Variants in ADAMTS16 observed in about 807,000 individuals in gnomAD.
ADAMTS16 encodes ADAM metallopeptidase with thrombospondin type 1 motif 16, also known as A disintegrin and metalloproteinase with thrombospondin motifs 16.
Under a neutral mutation model 145.8 loss-of-function variants are expected in ADAMTS16, and 94 were observed. That is an observed-to-expected ratio of 0.64 (90% CI 0.55 to 0.77). The LOEUF is 0.77. Among genes scored for constraint, ADAMTS16 ranks in the 30% least tolerant of loss-of-function variants. ADAMTS16 has a pLI of 0.00. For missense variants in ADAMTS16, 1,585 were observed against 1,591.5 expected (o/e 1.00, Z 0.07); for synonymous variants, 659 against 604.3 (o/e 1.09, Z -1.33).
At chr5:5,282,156 T>C (rs1174244059) in intron 18 of ADAMTS16, among the ~76,000 whole-genome samples, 5 of 152,172 alleles carry the variant, frequency 3.3e-5, no homozygotes, top group Non-Finnish European at 7.3e-5. Context: ...GTAGTGATCA[T>C]GGCCGTTCAT....
chr5:5,240,898 C>T (rs1207564682), intron 16 of ADAMTS16, among the ~76,000 whole-genome samples: 1 of 152,176 alleles, frequency 6.6e-6, no homozygotes, highest in African/African-American at 2.4e-5. Flanking sequence ...ACGTCTCCCA[C>T]CATCTAAGGC....
At chr5:5,166,440 A>G (rs376173140) in intron 3 of ADAMTS16, among the ~76,000 whole-genome samples, 87 of 152,302 alleles carry the variant, frequency 5.7e-4, no homozygotes, top group African/African-American at 1.8e-3. Context: ...TAAGAGCAAC[A>G]TGGCATGGCT....
At chr5:5,166,082 A>T (rs1079296) in intron 3 of ADAMTS16, among the ~76,000 whole-genome samples, 48,597 of 152,014 alleles carry the variant, frequency 0.32, 7,847 homozygotes, top group East Asian at 0.38. Context: ...TGTCCTGTAA[A>T]CTTGATTGAT....
chr5:5,190,096 A>G lies in ADAMTS16; in HGVS notation c.1173A>G (p.Ile391Met), dbSNP rs1735620953. 1.2e-6 allele frequency: 2 copies of G among 1,605,988 alleles called. No homozygotes were observed. The highest frequency in any genetic ancestry group is 1.7e-5 in the Admixed American group (1 of 58,596). Residue 391 changes from isoleucine (I) to methionine (M), a missense_variant, in exon 7 of 23, where the codon ATA (isoleucine) becomes ATG (methionine). Coordinates refer to ENST00000274181, the MANE Select transcript of ADAMTS16 (RefSeq NM_139056.4). ...DHAILLTGLD[I>M]CSWKNEPCDT... is the part of the protein sequence containing the mutation. ...CCATCTTACTGACTGGTCTGGATAT[A>G]TGTTCCTGGAAGAATGAGCCCTGTG...
intron 11 of ADAMTS16, chr5:5,223,636 C>A (rs6895855): frequency 1.6e-4 from 24 of 151,634 alleles, no homozygotes; most frequent in African/African-American, 5.1e-4. Flanking sequence ...GAACCTAAAA[C>A]AAAAGTCGGA....
chr5:5,236,077 G>C (rs1225536059), intron 13 of ADAMTS16, among the ~76,000 whole-genome samples: 2 of 152,180 alleles, frequency 1.3e-5, no homozygotes, highest in African/African-American at 4.8e-5. Context: ...TGAAACCGTG[G>C]TTCAAAAATG....
rs1244316691 is a variant in ADAMTS16, at chr5:5,140,364, G to A, written c.-104G>A. On this transcript the variant is annotated 5_prime_UTR_variant, in exon 1 of 23. Transcript: ENST00000274181. ...CCCGGCGCGGCGGCGGAGTCGCTGT[G>A]GGGAATCCTCCCGCGCTCTGCCTGG... The A allele has an allele frequency of 1.7e-6, 2 of 1,185,484 alleles. No homozygotes were observed. The highest frequency in any genetic ancestry group is 1.6e-5 in the African/African-American group (1 of 61,344). 73.4% of individuals were successfully genotyped at this position (1,185,484 alleles called of 1,614,324 possible).
chr5:5,187,601 G>C, intron 5 of ADAMTS16, 124 bp from the exon 6 acceptor site: 1 of 706,022 alleles, frequency 1.4e-6, no homozygotes, highest in South Asian at 1.6e-5. Flanking sequence ...TGTCTGCCTA[G>C]CAATACAAGA....
chr5:5,165,820 T>A (rs2126533625), intron 3 of ADAMTS16, among the ~76,000 whole-genome samples: 1 of 152,202 alleles, frequency 6.6e-6, no homozygotes, highest in South Asian at 2.1e-4. Flanking sequence ...GGCTTATAGG[T>A]CCAGGTGACA....
At chr5:5,159,184 A>G (rs1216029505) in intron 3 of ADAMTS16, among the ~76,000 whole-genome samples, 1 of 152,256 alleles carries the variant, frequency 6.6e-6, no homozygotes, top group Non-Finnish European at 1.5e-5. Flanking sequence ...AATCAGCAGG[A>G]AAACATGAAC....
chr5:5,301,634 C>A (rs1364801184), intron 18 of ADAMTS16, among the ~76,000 whole-genome samples: 4 of 152,188 alleles, frequency 2.6e-5, no homozygotes, highest in Non-Finnish European at 2.9e-5. Context: ...GAGTTCCTGG[C>A]CAAGCTCTCT....
chr5:5,294,251 C>T (rs1380275903), intron 18 of ADAMTS16, among the ~76,000 whole-genome samples: 1 of 152,186 alleles, frequency 6.6e-6, no homozygotes, highest in Admixed American at 6.5e-5. Flanking sequence ...GGTAAAGGCT[C>T]TCCTGGTTGC....
chr5:5,181,228 C>G (rs907312970), intron 3 of ADAMTS16, among the ~76,000 whole-genome samples: 1 of 152,174 alleles, frequency 6.6e-6, no homozygotes, highest in Non-Finnish European at 1.5e-5. Context: ...CTGTGGTGCA[C>G]AGATATATGG....
At chr5:5,145,642 C>T (rs1734273889) in intron 2 of ADAMTS16, among the ~76,000 whole-genome samples, 1 of 152,220 alleles carries the variant, frequency 6.6e-6, no homozygotes, top group African/African-American at 2.4e-5. Flanking sequence ...AATATTTTCT[C>T]TCTTCAAAAT....
chr5:5,148,040 A>G (rs1481746187), intron 3 of ADAMTS16, among the ~76,000 whole-genome samples: 6 of 152,360 alleles, frequency 3.9e-5, no homozygotes, highest in South Asian at 4.1e-4. Flanking sequence ...AGGAAAAGTT[A>G]ACAGTAAAGT....
At chr5:5,195,048 T>G (rs1032921946) in intron 8 of ADAMTS16, among the ~76,000 whole-genome samples, 2 of 152,206 alleles carry the variant, frequency 1.3e-5, no homozygotes. Flanking sequence ...TAAGTTCCAC[T>G]TTTTAAAAAA....
intron 21 of ADAMTS16, among the ~76,000 whole-genome samples, chr5:5,311,307 A>C (rs989994886): frequency 3.0e-4 from 44 of 147,632 alleles, no homozygotes; most frequent in Non-Finnish European, 6.1e-4. Context: ...AGGCAAAAAA[A>C]AAAAAAAAAA....
intron 17 of ADAMTS16, among the ~76,000 whole-genome samples, chr5:5,259,996 G>T (rs186433547): frequency 6.6e-6 from 1 of 152,286 alleles, no homozygotes; most frequent in Non-Finnish European, 1.5e-5. Context: ...ATCCATCTTT[G>T]ATTTTCCTAA....
intron 13 of ADAMTS16, among the ~76,000 whole-genome samples, chr5:5,236,687 C>T (rs1229136748): frequency 6.6e-6 from 1 of 151,828 alleles, no homozygotes; most frequent in African/African-American, 2.4e-5. Flanking sequence ...ATGTTGTAGC[C>T]AACAAATATT....
Sources: allele counts gnomAD v4.1 joint callset (sites outside exome capture counted in the v4.1 genomes callset), GRCh38; gene constraint gnomAD v4.1.1; transcripts MANE v1.5; gene names NCBI Gene and HGNC (gene_info 2026-07-23, HGNC 2026-07-21).